The following ADAMTS9 variants were observed in gnomAD, a reference collection of about 807,000 sequenced individuals.
ADAMTS9 encodes the protein A disintegrin and metalloproteinase with thrombospondin motifs 9.
ADAMTS9 carries 107 observed loss-of-function variants against 257.1 expected under a neutral mutation model. The ratio of observed to expected loss-of-function variants is 0.42; its 90% CI spans 0.36 to 0.49. The LOEUF is 0.49. ADAMTS9 is among the 20% of genes least tolerant of loss of function. The pLI is 0.03. For missense variants in ADAMTS9, 2,353 were observed against 2,469.1 expected (o/e 0.95, Z 1.00); for synonymous variants, 982 against 880.9 (o/e 1.11, Z -2.03).
At chr3:64,530,762 T>TTTTA (rs1211850231) in intron 38 of ADAMTS9, among the ~76,000 whole-genome samples, 1 of 152,098 alleles carries the variant, frequency 6.6e-6, no homozygotes, top group Non-Finnish European at 1.5e-5. Flanking sequence ...ACAATCACAT[T>TTTTA]TTTATTTATT....
chr3:64,644,261 G>A (rs544203662), intron 11 of ADAMTS9, among the ~76,000 whole-genome samples: 4 of 152,184 alleles, frequency 2.6e-5, no homozygotes, highest in Non-Finnish European at 4.4e-5. Context: ...CCATTTTTAC[G>A]AAAAGAAAAT....
intron 18 of ADAMTS9, among the ~76,000 whole-genome samples, chr3:64,621,992 G>A (rs904803437): frequency 2.0e-5 from 3 of 151,862 alleles, no homozygotes; most frequent in African/African-American, 7.3e-5. Flanking sequence ...AAATTTCTTA[G>A]GATGAAGAAA....
intron 36 of ADAMTS9, 77 bp downstream of exon 36, chr3:64,541,018 C>T: frequency 2.5e-6 from 4 of 1,577,198 alleles, no homozygotes; most frequent in Non-Finnish European, 3.5e-6. Context: ...TCCCTGCTAG[C>T]CAATGTGCAA....
chr3:64,638,983 A>G, intron 12 of ADAMTS9, among the ~76,000 whole-genome samples: 1 of 152,174 alleles, frequency 6.6e-6, no homozygotes, highest in African/African-American at 2.4e-5. Context: ...CAAAAGGCAT[A>G]TTCCCAGTGA....
At chr3:64,556,615 C>G (rs548236839) in intron 30 of ADAMTS9, among the ~76,000 whole-genome samples, 3 of 152,274 alleles carry the variant, frequency 2.0e-5, no homozygotes, top group Admixed American at 1.3e-4. Flanking sequence ...GCCACTGTGT[C>G]CAGCCTGCTT....
At chr3:64,682,043 A>G (rs910935352) in intron 2 of ADAMTS9, among the ~76,000 whole-genome samples, 2 of 152,196 alleles carry the variant, frequency 1.3e-5, no homozygotes, top group Admixed American at 1.3e-4. Flanking sequence ...TCAAGGTGGT[A>G]CCACCTGTAA....
intron 38 of ADAMTS9, among the ~76,000 whole-genome samples, chr3:64,524,541 T>C (rs924433485): frequency 1.3e-5 from 2 of 152,198 alleles, no homozygotes; most frequent in Non-Finnish European, 2.9e-5. Flanking sequence ...AAGCGAAATA[T>C]TTTCCTCCCC....
chr3:64,595,293 A>G (rs914005134), intron 27 of ADAMTS9, among the ~76,000 whole-genome samples: 1 of 152,154 alleles, frequency 6.6e-6, no homozygotes, highest in African/African-American at 2.4e-5. Flanking sequence ...GGATGAATAA[A>G]CAGCATGGTG....
Position 64,686,931 on chromosome 3 carries a change from C to A in ADAMTS9, c.153G>T (p.Val51=). The change falls in exon 2 of 40, where the codon GTG becomes GTT. Residue 51 remains valine (V), a synonymous_variant. Coordinates refer to ENST00000498707, the MANE Select transcript of ADAMTS9 (RefSeq NM_182920.2). This position sits in a 1 kb window ranked among gnomAD's most constrained non-coding sequence, Gnocchi z 4.6. ...LLETLSEYEI[V]SPIRVNALGE... ...CGAGAGCGTTCACTCGGATGGGAGACACGATTTCGTATTCGCTCAGGGTCT... is the reference window on the plus strand; with the variant it reads ...CGAGAGCGTTCACTCGGATGGGAGAAACGATTTCGTATTCGCTCAGGGTCT... 1 of 1,614,128 alleles carries A rather than the reference C, an allele frequency of 6.2e-7. No homozygotes were observed. The highest frequency in any genetic ancestry group is 8.5e-7 in the Non-Finnish European group (1 of 1,180,024).
intron 30 of ADAMTS9, among the ~76,000 whole-genome samples, 157 bp from the exon 31 acceptor site, chr3:64,551,219 A>AT (rs1044464065): frequency 5.9e-5 from 9 of 151,566 alleles, no homozygotes; most frequent in African/African-American, 2.2e-4. Context: ...TTTTGGTTTT[A>AT]TTTTTTTTGA....
chr3:64,590,585 T>C (rs559738174), intron 28 of ADAMTS9, among the ~76,000 whole-genome samples: 1 of 152,332 alleles, frequency 6.6e-6, no homozygotes, highest in Non-Finnish European at 1.5e-5. Flanking sequence ...TCTTTATTTC[T>C]TCTAGGGAGA....
In ADAMTS9 at chr3:64,618,312, G is replaced by A. The variant is rs148413574; in HGVS notation, c.2814-2142C>T. On this transcript the variant is annotated intron_variant, in intron 19 of 39. Transcript: ENST00000498707. ...TATTACCATTGGCCTATGATCTGACGTGCTGTCCTTGTTTGGTCTGAGTAG... is the reference window on the plus strand; with the variant it reads ...TATTACCATTGGCCTATGATCTGACATGCTGTCCTTGTTTGGTCTGAGTAG... 4.8e-4 allele frequency among the ~76,000 whole-genome samples: 73 copies of A among 152,152 alleles called. No homozygotes were observed. The East Asian group carries it at 8.9e-3, about 19-fold the overall frequency.
At chr3:64,520,048 A>G (rs2082829971) in intron 39 of ADAMTS9, among the ~76,000 whole-genome samples, 1 of 152,168 alleles carries the variant, frequency 6.6e-6, no homozygotes. Context: ...GAAAACCCTA[A>G]ATATTCCACC....
intron 28 of ADAMTS9, chr3:64,590,170 T>C (rs576784465): frequency 2.7e-4 from 41 of 152,302 alleles, no homozygotes; most frequent in African/African-American, 9.9e-4. Flanking sequence ...TCATATATTT[T>C]TGTTTATAAA....
intron 39 of ADAMTS9, among the ~76,000 whole-genome samples, chr3:64,519,026 C>G (rs1173289198): frequency 1.3e-5 from 2 of 152,076 alleles, no homozygotes; most frequent in African/African-American, 4.8e-5. Context: ...GATCTGCCTG[C>G]CACAGCTTCC....
intron 32 of ADAMTS9, among the ~76,000 whole-genome samples, chr3:64,545,761 A>C (rs576839202): frequency 6.6e-6 from 1 of 152,142 alleles, no homozygotes; most frequent in Admixed American, 6.5e-5. Context: ...GTATAATAAT[A>C]AAAAAATTAT....
intron 16 of ADAMTS9, among the ~76,000 whole-genome samples, chr3:64,624,714 C>A (rs1413240945): frequency 6.6e-6 from 1 of 152,124 alleles, no homozygotes; most frequent in Non-Finnish European, 1.5e-5. Context: ...AAATATTTAT[C>A]AATTGCCTTA....
chr3:64,567,406 G>A (rs2083571627), intron 29 of ADAMTS9, among the ~76,000 whole-genome samples: 1 of 152,204 alleles, frequency 6.6e-6, no homozygotes, highest in Non-Finnish European at 1.5e-5. Flanking sequence ...GATCAGTGGA[G>A]AGAAGGAGCA....
chr3:64,561,573 C>T lies in ADAMTS9; in HGVS notation c.4698+5G>A. 1 of 1,611,798 alleles carries T rather than the reference C, an allele frequency of 6.2e-7. No individual in the cohort carries two copies. Among genetic ancestry groups the T allele is most frequent in the South Asian group, 1.1e-5 (1 of 90,620 alleles). On this transcript the variant is annotated splice_donor_5th_base_variant and intron_variant, in intron 30 of 39. Coordinates refer to ENST00000498707, the MANE Select transcript of ADAMTS9 (RefSeq NM_182920.2). ...TGGCAGGTACCCCTTTGTGGCTCTA[C>T]TTACTTCTTGCCATTCCTCTGCCCT...
Sources: allele counts gnomAD v4.1 joint callset (sites outside exome capture counted in the v4.1 genomes callset), GRCh38; gene constraint gnomAD v4.1.1; non-coding constraint Gnocchi (gnomAD v3.1); transcripts MANE v1.5; gene names NCBI Gene and HGNC (gene_info 2026-07-23, HGNC 2026-07-21).